Variants in PM20D2 observed in about 807,000 individuals in gnomAD.
The protein encoded by PM20D2 is peptidase M20 domain containing 2, also known as xaa-Arg dipeptidase.
PM20D2 carries 33 observed loss-of-function variants against 42.9 expected under a neutral mutation model. The ratio of observed to expected loss-of-function variants is 0.77; its 90% CI spans 0.58 to 1.03. The LOEUF is 1.03. Ranked by LOEUF, PM20D2 falls within the 50% of genes least tolerant of loss-of-function variation. The pLI is 0.00. For synonymous variants in PM20D2, 250 were observed against 228.2 expected, an observed-to-expected ratio of 1.10 and a Z score of -0.86; for missense variants, 548 against 557.0, an observed-to-expected ratio of 0.98 and a Z score of 0.16.
chr6:89,125,433 C>G, the PM20D2 span, among the ~76,000 whole-genome samples: 1 of 150,842 alleles, frequency 6.6e-6, no homozygotes, highest in Admixed American at 6.6e-5. Context: ...TGAGCCGAGA[C>G]CGCGCCACTG....
Position 89,146,134 on chromosome 6 carries a change from G to A in PM20D2, c.-11G>A. 6.8e-7 allele frequency: 1 copy of A among 1,466,420 alleles called. No individual in the cohort carries two copies. Among genetic ancestry groups the A allele is most frequent in the Non-Finnish European group, 9.0e-7 (1 of 1,115,854 alleles). 90.8% of individuals were successfully genotyped at this position (1,466,420 alleles called of 1,614,324 possible). Reference sequence around the variant, plus strand: ...AGCGAGAGGGCGCAGAGGGCAGCGGGCTTGGGCAGCATGAGGCCCGGAGGG... The same window carrying A: ...AGCGAGAGGGCGCAGAGGGCAGCGGACTTGGGCAGCATGAGGCCCGGAGGG... On this transcript the variant is annotated 5_prime_UTR_variant, in exon 1 of 7. Coordinates refer to ENST00000275072, the MANE Select transcript of PM20D2 (RefSeq NM_001010853.3).
chr6:89,121,938 G>A, the PM20D2 span, among the ~76,000 whole-genome samples: 1 of 152,166 alleles, frequency 6.6e-6, no homozygotes, highest in Non-Finnish European at 1.5e-5. Flanking sequence ...CTTTTCAAAA[G>A]TAAATACATT....
the PM20D2 span, among the ~76,000 whole-genome samples, chr6:89,140,644 C>G: frequency 6.6e-6 from 1 of 152,156 alleles, no homozygotes; most frequent in Non-Finnish European, 1.5e-5. Context: ...AGCTGGGTTA[C>G]GTCTTTGCAG....
At chr6:89,115,769 T>G in the PM20D2 span, among the ~76,000 whole-genome samples, 1 of 150,844 alleles carries the variant, frequency 6.6e-6, no homozygotes, top group Non-Finnish European at 1.5e-5. Flanking sequence ...CCTGAGCAGC[T>G]GGGACTACAG....
At position 89,146,443 on chromosome 6, in the gene PM20D2, G is replaced by GCGCCA. The variant is rs1036253518; in HGVS notation, c.309_313dup (p.Pro105HisfsTer38). The GCGCCA allele has an allele frequency of 3.9e-6, 6 of 1,523,126 alleles. No homozygotes were observed. The highest frequency in any genetic ancestry group is 4.4e-6 in the Non-Finnish European group (5 of 1,142,638). 94.4% of individuals were successfully genotyped at this position (1,523,126 alleles called of 1,614,324 possible). A position where few individuals can be genotyped will look rare whatever the true frequency, so the allele number is the denominator to read the frequency against. On this transcript the variant is annotated frameshift_variant, in exon 1 of 7. Coordinates refer to ENST00000275072, the MANE Select transcript of PM20D2 (RefSeq NM_001010853.3). LOFTEE classifies it high-confidence loss of function. ...GAGCCGCCGGAGGCCCGGGCACCGAGCGCCACGCCACGCCCGCTGCACCTG... is the reference window on the plus strand; with the variant it reads ...GAGCCGCCGGAGGCCCGGGCACCGAGCGCCACGCCACGCCACGCCCGCTGCACCTG...
chr6:89,116,540 C>T, the PM20D2 span, among the ~76,000 whole-genome samples: 29 of 151,992 alleles, frequency 1.9e-4, no homozygotes, highest in African/African-American at 5.8e-4. Context: ...TTTGGGAGGC[C>T]GAGCTGGGCG....
Position 89,154,728 on chromosome 6 carries a change from T to C in PM20D2, c.758-20T>C. ...AAATGGTCACCAAGCTTAATTCTAG[T>C]AATTTGGTTCTTTTTATAGGTATAA... On this transcript the variant is annotated intron_variant, in intron 3 of 6. Transcript: ENST00000275072. 6.8e-7 allele frequency: 1 copy of C among 1,465,824 alleles called. No homozygotes were observed. The highest frequency in any genetic ancestry group is 2.4e-5 in the Admixed American group (1 of 42,484). The allele number at this position is 1,465,824 out of a possible 1,614,324, so 90.8% of individuals were successfully genotyped here.
chr6:89,132,102 C>G, the PM20D2 span, among the ~76,000 whole-genome samples: 5 of 152,140 alleles, frequency 3.3e-5, no homozygotes, highest in Admixed American at 2.0e-4. Context: ...AGAACCAACT[C>G]AATCCTGAAG....
At chr6:89,160,778 T>C (rs954881572) in intron 5 of PM20D2, among the ~76,000 whole-genome samples, 1 of 152,186 alleles carries the variant, frequency 6.6e-6, no homozygotes, top group African/African-American at 2.4e-5. Context: ...AATTTCACTT[T>C]ATGGGAAGGT....
chr6:89,143,530 A>AC (rs1217829884), upstream of PM20D2, among the ~76,000 whole-genome samples: 1 of 151,876 alleles, frequency 6.6e-6, no homozygotes, highest in South Asian at 2.1e-4. Context: ...CACTCCTCTC[A>AC]CCCCCCCAAA....
At chr6:89,136,621 T>C in the PM20D2 span, among the ~76,000 whole-genome samples, 43 of 150,710 alleles carry the variant, frequency 2.9e-4, 1 homozygote, top group African/African-American at 1.0e-3. Flanking sequence ...GAGCTTGCAG[T>C]GAGCTAAGAT....
At chr6:89,093,976 A>C in the PM20D2 span, among the ~76,000 whole-genome samples, 1 of 121,118 alleles carries the variant, frequency 8.3e-6, no homozygotes, top group Admixed American at 1.1e-4. Context: ...GCGGGAGTGC[A>C]GTTGAGTGAT....
intron 1 of PM20D2, among the ~76,000 whole-genome samples, chr6:89,147,526 G>A (rs1251547601): frequency 1.3e-5 from 2 of 151,900 alleles, no homozygotes; most frequent in Non-Finnish European, 2.9e-5. Context: ...TTGGGTTGGG[G>A]GAAGCATGCT....
chr6:89,120,440 T>A, the PM20D2 span, among the ~76,000 whole-genome samples: 3 of 152,142 alleles, frequency 2.0e-5, no homozygotes, highest in Non-Finnish European at 2.9e-5. Flanking sequence ...CTACATTGAC[T>A]TTGCAAATAA....
chr6:89,146,567 G>C lies in PM20D2; in HGVS notation c.423G>C (p.Arg141Ser). 6.7e-7 allele frequency: 1 copy of C among 1,491,420 alleles called. No individual in the cohort carries two copies. 92.4% of individuals were successfully genotyped at this position (1,491,420 alleles called of 1,614,324 possible). A position where few individuals can be genotyped will look rare whatever the true frequency, so the allele number is the denominator to read the frequency against. Reference protein sequence around the residue: ...EVGAAAALGVRGALEGLPRPP... With the variant: ...EVGAAAALGVSGALEGLPRPP... The stretch of plus-strand genomic sequence containing the variant: ...GGGCGGCGGCCGCGCTGGGCGTGAG[G>C]GGGGCCTTAGAGGGCCTCCCCAGGC... The change falls in exon 1 of 7, where the codon AGG becomes AGC. Residue 141 changes from arginine (R) to serine (S), a missense_variant. Physicochemically the swap from Arg to Ser is moderately radical, Grantham distance 110 (BLOSUM62 -1). Transcript: ENST00000275072.
the PM20D2 span, among the ~76,000 whole-genome samples, chr6:89,140,529 C>A: frequency 1.3e-5 from 2 of 152,102 alleles, no homozygotes; most frequent in Non-Finnish European, 1.5e-5. Flanking sequence ...AGCACTGCAC[C>A]GGGCCCAAGC....
chr6:89,158,888 G>GT (rs748706711), intron 5 of PM20D2, among the ~76,000 whole-genome samples: 169 of 147,038 alleles, frequency 1.1e-3, no homozygotes, highest in African/African-American at 4.0e-3. Context: ...GGTTATGTTA[G>GT]TTTTTTTTTC....
At chr6:89,151,976 A>G (rs755585567) in intron 2 of PM20D2, among the ~76,000 whole-genome samples, 11 of 151,990 alleles carry the variant, frequency 7.2e-5, no homozygotes, top group South Asian at 2.1e-4. Context: ...GGTCTCAGCT[A>G]TTCATCTGTG....
the PM20D2 span, among the ~76,000 whole-genome samples, chr6:89,099,462 ATGTGTGTG>A: frequency 6.9e-6 from 1 of 145,328 alleles, no homozygotes; most frequent in African/African-American, 2.6e-5. Flanking sequence ...GTGTGTATAT[ATGTGTGTG>A]TATATATATA....
Sources: allele counts gnomAD v4.1 joint callset (sites outside exome capture counted in the v4.1 genomes callset), GRCh38; gene constraint gnomAD v4.1.1; transcripts MANE v1.5; gene names NCBI Gene and HGNC (gene_info 2026-07-23, HGNC 2026-07-21).